The following PAK5 variants were observed in gnomAD, a reference collection of about 807,000 sequenced individuals.
The protein encoded by PAK5 is p21 (RAC1) activated kinase 5.
In PAK5, 16 loss-of-function variants were observed where a neutral mutation model predicts 65.9. The ratio of observed to expected loss-of-function variants is 0.24; its 90% CI spans 0.16 to 0.37. The LOEUF is 0.37. Among genes scored for constraint, PAK5 ranks in the 10% least tolerant of loss-of-function variants. The pLI, the probability that PAK5 is intolerant of heterozygous loss-of-function variation, is 1.00. For missense variants in PAK5, 785 were observed against 903.9 expected (o/e 0.87, Z 1.69); for synonymous variants, 371 against 354.9 (o/e 1.05, Z -0.51).
chr20:9,712,275 G>A (rs186600651), intron 1 of PAK5, among the ~76,000 whole-genome samples: 69 of 151,974 alleles, frequency 4.5e-4, no homozygotes, highest in Admixed American at 1.3e-3. Flanking sequence ...AGTTATATGC[G>A]GATTATACAA....
At chr20:9,572,741 G>T (rs2045812447) in intron 4 of PAK5, among the ~76,000 whole-genome samples, 1 of 152,170 alleles carries the variant, frequency 6.6e-6, no homozygotes, top group African/African-American at 2.4e-5. Context: ...TTACAGCAAG[G>T]GCACGGAGTG....
chr20:9,649,590 A>G (rs1885563), intron 2 of PAK5, among the ~76,000 whole-genome samples: 143,441 of 152,286 alleles, frequency 0.94, 67,566 homozygotes, highest in East Asian at 1. Context: ...TGCCTTAAGC[A>G]TATGCCTAGT....
intron 1 of PAK5, among the ~76,000 whole-genome samples, chr20:9,717,820 A>G (rs1231217866): frequency 6.6e-6 from 1 of 152,144 alleles, no homozygotes; most frequent in African/African-American, 2.4e-5. Flanking sequence ...GGGTTCCGCC[A>G]TGTTGGCGAG....
chr20:9,664,914 C>A (rs544938803), intron 2 of PAK5, among the ~76,000 whole-genome samples: 3 of 151,960 alleles, frequency 2.0e-5, no homozygotes, highest in Admixed American at 2.0e-4. Context: ...TATTTTGGTA[C>A]TACAACTTGT....
At chr20:9,603,159 G>A (rs1307688816) in intron 3 of PAK5, among the ~76,000 whole-genome samples, 4 of 152,158 alleles carry the variant, frequency 2.6e-5, no homozygotes, top group Admixed American at 2.6e-4. Context: ...TGTAGAAAAT[G>A]GCCAAATGGC....
intron 2 of PAK5, among the ~76,000 whole-genome samples, chr20:9,695,052 A>G (rs2047850003): frequency 6.6e-6 from 1 of 151,938 alleles, no homozygotes; most frequent in Admixed American, 6.6e-5. Flanking sequence ...CACATTTCCA[A>G]TTGTCAATCC....
In PAK5 at chr20:9,806,882, T is replaced by C. The variant is rs536061602; in HGVS notation, c.-162+31880A>G. ...TGTCAGAAGTACAGAATGGGTCTTA[T>C]GCATGAAAATCAATGTATTGGCAGA... On this transcript the variant is annotated intron_variant, in intron 1 of 9. Coordinates refer to ENST00000353224, the MANE Select transcript of PAK5 (RefSeq NM_177990.4). 2.6e-5 allele frequency among the ~76,000 whole-genome samples: 4 copies of C among 152,204 alleles called. No individual in the cohort carries two copies. The East Asian group carries it at 7.7e-4, about 29-fold the overall frequency.
intron 1 of PAK5, among the ~76,000 whole-genome samples, chr20:9,786,354 A>C (rs1312978416): frequency 6.6e-6 from 1 of 151,994 alleles, no homozygotes; most frequent in Non-Finnish European, 1.5e-5. Flanking sequence ...AAACATTTAC[A>C]TGTCGTGGAT....
At chr20:9,551,417 T>C (rs1000683778) in intron 7 of PAK5, among the ~76,000 whole-genome samples, 3 of 152,106 alleles carry the variant, frequency 2.0e-5, no homozygotes, top group African/African-American at 7.2e-5. Flanking sequence ...GAACTTTAGT[T>C]TAGAACTCAG....
intron 3 of PAK5, among the ~76,000 whole-genome samples, chr20:9,614,436 T>C (rs1008455555): frequency 6.6e-6 from 1 of 152,102 alleles, no homozygotes; most frequent in Non-Finnish European, 1.5e-5. Flanking sequence ...TTGGAAACAA[T>C]AATGACTGAA....
chr20:9,674,551 A>G (rs2047543056), intron 2 of PAK5, among the ~76,000 whole-genome samples: 1 of 152,204 alleles, frequency 6.6e-6, no homozygotes, highest in Non-Finnish European at 1.5e-5. Flanking sequence ...GAAATGAGGA[A>G]AGTCATATGG....
rs370805526 is a variant in PAK5, at chr20:9,644,287, C to A, written c.42G>T (p.Pro14=). 1 of 1,606,374 alleles carries A rather than the reference C, an allele frequency of 6.2e-7. No individual in the cohort carries two copies. The highest frequency in any genetic ancestry group is 1.1e-5 in the South Asian group (1 of 89,510). ...TATGAACCCTGTGTTCAAAGTTGGA[C>A]GGGCCAGATATTTCAATCTTTTTCT... is the stretch of plus-strand genomic sequence containing the variant. ...KKKKKIEISG[P]SNFEHRVHTG... is the part of the protein sequence containing the mutation. The change falls in exon 3 of 10, where the codon CCG becomes CCT. Residue 14 remains proline (P), a synonymous_variant. Transcript: ENST00000353224.
At position 9,686,853 on chromosome 20, in the gene PAK5, T is replaced by C. The variant is rs144990989; in HGVS notation, c.-12+24433A>G. 7.2e-5 allele frequency among the ~76,000 whole-genome samples: 11 copies of C among 152,184 alleles called. No homozygotes were observed. The East Asian group carries it at 1.4e-3, about 19-fold the overall frequency. Reference sequence around the variant, plus strand: ...GAGGCAAGCATCGAGTATAAGGAGTTTATTTGGGAAGTACAGGGACCATTG... The same window carrying C: ...GAGGCAAGCATCGAGTATAAGGAGTCTATTTGGGAAGTACAGGGACCATTG... On this transcript the variant is annotated intron_variant, in intron 2 of 9. Coordinates refer to ENST00000353224, the MANE Select transcript of PAK5 (RefSeq NM_177990.4).
chr20:9,771,181 G>T (rs1028890860), intron 1 of PAK5, among the ~76,000 whole-genome samples: 2 of 152,146 alleles, frequency 1.3e-5, no homozygotes, highest in African/African-American at 4.8e-5. Flanking sequence ...CCAAAGAGGT[G>T]GGAGGATCTG....
intron 4 of PAK5, among the ~76,000 whole-genome samples, chr20:9,569,500 T>C (rs1225867916): frequency 1.3e-5 from 2 of 152,052 alleles, no homozygotes; most frequent in Admixed American, 6.5e-5. Context: ...GAGTGACAAG[T>C]GCTGTAGAAA....
intron 2 of PAK5, among the ~76,000 whole-genome samples, chr20:9,676,928 G>A (rs1202508385): frequency 6.6e-6 from 1 of 152,036 alleles, no homozygotes; most frequent in Non-Finnish European, 1.5e-5. Context: ...AGTCCAAATG[G>A]GTGTTGGCTA....
intron 2 of PAK5, among the ~76,000 whole-genome samples, chr20:9,689,539 C>T (rs571919156): frequency 6.6e-6 from 1 of 152,306 alleles, no homozygotes; most frequent in South Asian, 2.1e-4. Flanking sequence ...AATAATTACT[C>T]GTTTCCCTGG....
intron 2 of PAK5, among the ~76,000 whole-genome samples, chr20:9,662,782 T>C (rs557906870): frequency 2.6e-5 from 4 of 152,306 alleles, no homozygotes; most frequent in Non-Finnish European, 5.9e-5. Flanking sequence ...ATCATTTTTT[T>C]TTCTGATAAC....
At chr20:9,805,252 A>G (rs2049217714) in intron 1 of PAK5, among the ~76,000 whole-genome samples, 1 of 152,206 alleles carries the variant, frequency 6.6e-6, no homozygotes, top group East Asian at 1.9e-4. Context: ...TGGAGAAATC[A>G]AAACTCTCAG....
Sources: gnomAD v4.1 joint callset for allele counts (sites outside exome capture counted in the v4.1 genomes callset) on GRCh38, gnomAD v4.1.1 for gene constraint, MANE v1.5 for transcripts, NCBI Gene and HGNC (gene_info 2026-07-23, HGNC 2026-07-21) for gene names.